The following DUSP11 variants were observed in gnomAD, a reference collection of about 807,000 sequenced individuals.
DUSP11 encodes RNA/RNP complex-1-interacting phosphatase.
Under a neutral mutation model 41.4 loss-of-function variants are expected in DUSP11, and 27 were observed. That is an observed-to-expected ratio of 0.65 (90% confidence interval 0.48 to 0.90). The LOEUF (loss-of-function observed/expected upper bound fraction) is 0.90, where lower values mean the gene tolerates loss of function less well. Among genes scored for constraint, DUSP11 ranks in the 40% least tolerant of loss-of-function variants. The pLI is 0.00. For missense variants in DUSP11, 465 were observed against 461.1 expected (o/e 1.01, Z -0.08); for synonymous variants, 188 against 159.3 (o/e 1.18, Z -1.35).
chr2:73,763,764 A>G (rs1260572729), intron 8 of DUSP11, among the ~76,000 whole-genome samples: 2 of 152,306 alleles, frequency 1.3e-5, no homozygotes, highest in East Asian at 3.9e-4. Flanking sequence ...TGAGAAAAGA[A>G]AAACCCCCCA....
chr2:73,775,161 C>T (rs554089874), intron 2 of DUSP11, 117 bp from the exon 3 acceptor site: 1 of 882,994 alleles, frequency 1.1e-6, no homozygotes, highest in East Asian at 2.6e-5. Context: ...AGTTTCCATT[C>T]TCCTGGAACA....
chr2:73,775,227 A>T (rs1672655233), intron 2 of DUSP11, among the ~76,000 whole-genome samples, 183 bp from the exon 3 acceptor site: 1 of 152,176 alleles, frequency 6.6e-6, no homozygotes, highest in South Asian at 2.1e-4. Flanking sequence ...GAAAAAAATA[A>T]GCCCACTTCT....
intron 4 of DUSP11, among the ~76,000 whole-genome samples, chr2:73,770,271 T>C (rs997881920): frequency 6.6e-6 from 1 of 151,446 alleles, no homozygotes; most frequent in African/African-American, 2.4e-5. Context: ...TCCCAGCCCT[T>C]TGGGAGGCGG....
At chr2:73,775,446 A>C (rs1181596984) in intron 2 of DUSP11, among the ~76,000 whole-genome samples, 1 of 146,706 alleles carries the variant, frequency 6.8e-6, no homozygotes, top group South Asian at 2.1e-4. Context: ...TGACACAAAC[A>C]TGGCTCACTG....
At chr2:73,767,342 G>A (rs1268352466) in intron 5 of DUSP11, 135 bp from the exon 6 acceptor site, 1 of 692,296 alleles carries the variant, frequency 1.4e-6, no homozygotes, top group East Asian at 2.6e-5. Flanking sequence ...AAATCCAGCA[G>A]TTATTAAAGA....
At chr2:73,772,589 A>T (rs1255554024) in intron 4 of DUSP11, among the ~76,000 whole-genome samples, 1 of 152,212 alleles carries the variant, frequency 6.6e-6, no homozygotes, top group African/African-American at 2.4e-5. Flanking sequence ...GCTATATAAA[A>T]ATTTCACAGA....
chr2:73,772,333 G>T (rs897739718), intron 4 of DUSP11, among the ~76,000 whole-genome samples: 1 of 152,072 alleles, frequency 6.6e-6, no homozygotes, highest in African/African-American at 2.4e-5. Flanking sequence ...TTTTATCAGT[G>T]AGCCTGTTAT....
In DUSP11 at chr2:73,768,292, T is replaced by C. The variant is rs34737250; in HGVS notation, c.635+973A>G. ...CTCCCCTTCTCAGCACTTGTTGGAA[T>C]TGTAATTGTATAGGCATTTGTGTGA... On this transcript the variant is annotated intron_variant, in intron 5 of 8. Coordinates refer to ENST00000272444, the Ensembl canonical transcript of DUSP11. 1,991 of 211,924 alleles carry C rather than the reference T, an allele frequency of 9.4e-3. 99 individuals are homozygous for C. The highest frequency in any genetic ancestry group is 0.079 in the Admixed American group (1,217 of 15,344). The allele number at this position is 211,924 out of a possible 1,614,324, so 13.1% of individuals were successfully genotyped here.
At chr2:73,766,325 G>T in intron 8 of DUSP11, 93 bp downstream of exon 8, 5 of 1,060,020 alleles carry the variant, frequency 4.7e-6, no homozygotes, top group Non-Finnish European at 5.3e-6. Context: ...AAAAAAAAAC[G>T]AAGAATTCCT....
At chr2:73,773,729 TA>T (rs1339443762) in intron 4 of DUSP11, 70 bp downstream of exon 4, 12 of 1,485,348 alleles carry the variant, frequency 8.1e-6, no homozygotes, top group Admixed American at 2.1e-5. Context: ...GTTGGAACTA[TA>T]AAAAAATACC....
chr2:73,764,853 C>T (rs1435123711), intron 8 of DUSP11, among the ~76,000 whole-genome samples: 3 of 152,134 alleles, frequency 2.0e-5, no homozygotes. Context: ...GTAATCCCAG[C>T]TACTCGGGAG....
At chr2:73,775,747 G>A (rs1375284525) in intron 2 of DUSP11, among the ~76,000 whole-genome samples, 7 of 150,076 alleles carry the variant, frequency 4.7e-5, no homozygotes, top group South Asian at 2.1e-4. Context: ...CCCAGCTACC[G>A]GGAGGCTGAG....
rs1292658411 is a variant in DUSP11, at chr2:73,772,311, G to A, written c.574+1489C>T. Among the ~76,000 whole-genome samples the A allele has an allele frequency of 2.6e-5, 4 of 152,190 alleles. No homozygotes were observed. The South Asian group carries it at 6.2e-4, about 24-fold the overall frequency. On this transcript the variant is annotated intron_variant, in intron 4 of 8. Coordinates refer to ENST00000272444, the Ensembl canonical transcript of DUSP11. ...CTAGTTCTAGAAGCGAGTGGAGAGT[G>A]TAGTGTCCTCTTTTTATCAGTGAGC... is the stretch of plus-strand genomic sequence containing the variant.
At chr2:73,779,231 CA>C (rs1355681459) in intron 1 of DUSP11, among the ~76,000 whole-genome samples, 8 of 152,154 alleles carry the variant, frequency 5.3e-5, no homozygotes, top group African/African-American at 1.7e-4. Context: ...ATAAGTCAGG[CA>C]AGACCTGTAT....
chr2:73,768,358 C>T (rs1573178712), intron 5 of DUSP11: 1 of 694,484 alleles, frequency 1.4e-6, no homozygotes, highest in East Asian at 1.3e-4. Flanking sequence ...TTAGGACGCA[C>T]AAAGGGCAGC....
chr2:73,763,425 T>C (rs1672398413), intron 8 of DUSP11, among the ~76,000 whole-genome samples: 1 of 152,210 alleles, frequency 6.6e-6, no homozygotes, highest in Non-Finnish European at 1.5e-5. Context: ...CATATAATTA[T>C]ACAAAAGAAA....
intron 4 of DUSP11, among the ~76,000 whole-genome samples, chr2:73,770,455 CAG>C (rs530884809): frequency 2.5e-3 from 373 of 150,558 alleles, no homozygotes; most frequent in African/African-American, 8.7e-3. Flanking sequence ...ACGGAGGTTG[CAG>C]TGTGCCAAAA....
At chr2:73,764,487 T>C (rs1296813275) in intron 8 of DUSP11, among the ~76,000 whole-genome samples, 1 of 152,182 alleles carries the variant, frequency 6.6e-6, no homozygotes, top group South Asian at 2.1e-4. Context: ...TTTAAATTCA[T>C]GTTAACTGTC....
chr2:73,767,033 G>A, intron 6 of DUSP11, 128 bp downstream of exon 6: 1 of 1,228,082 alleles, frequency 8.1e-7, no homozygotes, highest in Non-Finnish European at 1.2e-6. Context: ...ATAGACTTTT[G>A]GCAAGACTAT....
Sources: allele counts gnomAD v4.1 joint callset (sites outside exome capture counted in the v4.1 genomes callset), GRCh38; gene constraint gnomAD v4.1.1; transcripts MANE v1.5; gene names NCBI Gene and HGNC (gene_info 2026-07-23, HGNC 2026-07-21).